The following OTOP3 variants were observed in gnomAD, a reference collection of about 807,000 sequenced individuals.
OTOP3 encodes proton channel OTOP3.
Under a neutral mutation model 50.8 loss-of-function variants are expected in OTOP3, and 41 were observed. That is an observed-to-expected ratio of 0.81 (90% CI 0.63 to 1.05). The LOEUF (loss-of-function observed/expected upper bound fraction) is 1.05, where lower values mean the gene tolerates loss of function less well. Among genes scored for constraint, OTOP3 ranks in the 50% least tolerant of loss-of-function variants. The pLI is 0.00. For synonymous variants in OTOP3, 320 were observed against 324.4 expected (o/e 0.99, Z 0.14); for missense variants, 788 against 760.8 (o/e 1.04, Z -0.42).
Position 74,949,319 on chromosome 17 carries a change from A to T in OTOP3, c.1640A>T (p.Gln547Leu). The change falls in exon 7 of 7, where the codon CAG becomes CTG. Residue 547 changes from glutamine (Q) to leucine (L), a missense_variant. Transcript: ENST00000328801. ...CTAGAAAAGGATTTCTACGGCTACC[A>T]GATATGGTTCGCCATCGTCAACTTC... The part of the protein sequence containing the change: ...NGLEKDFYGY[Q>L]IWFAIVNFGL... The T allele has an allele frequency of 1.2e-6, 2 of 1,614,024 alleles. No individual in the cohort carries two copies. Among genetic ancestry groups the T allele is most frequent in the Non-Finnish European group, 1.7e-6 (2 of 1,179,988 alleles).
At chr17:74,943,247 C>G (rs1378283756) in intron 3 of OTOP3, 39 bp from the exon 4 acceptor site, 2 of 1,598,980 alleles carry the variant, frequency 1.3e-6, no homozygotes, top group African/African-American at 2.7e-5. Context: ...GTCCCACCAC[C>G]TCCACCAGCC....
intron 4 of OTOP3, 73 bp from the exon 5 acceptor site, chr17:74,943,533 A>G: frequency 6.7e-7 from 1 of 1,481,974 alleles, no homozygotes; most frequent in Non-Finnish European, 9.4e-7. Context: ...TGCCCCAACA[A>G]CAGTGGATGG....
At chr17:74,940,609 C>G (rs118053566) in intron 1 of OTOP3, among the ~76,000 whole-genome samples, 1 of 152,176 alleles carries the variant, frequency 6.6e-6, no homozygotes, top group Non-Finnish European at 1.5e-5. Flanking sequence ...CATAGGAGCA[C>G]AAGCCCTATC....
At position 74,946,641 on chromosome 17, in the gene OTOP3, C is replaced by T. The variant is rs542704542; in HGVS notation, c.752-20C>T. ...GAGCCTGCCTGAATGTCTGTCCCTC[C>T]CACCCTGCCTCCCTCCCAGGCAATG... On this transcript the variant is annotated intron_variant, in intron 5 of 6. Coordinates refer to ENST00000328801, the MANE Select transcript of OTOP3 (RefSeq NM_001272005.2). The T allele has an allele frequency of 5.0e-6, 8 of 1,584,868 alleles. No individual in the cohort carries two copies. Among genetic ancestry groups the T allele is most frequent in the Middle Eastern group, 1.7e-4 (1 of 5,984 alleles).
At chr17:74,939,412 G>A (rs2039149203) in intron 1 of OTOP3, among the ~76,000 whole-genome samples, 1 of 152,152 alleles carries the variant, frequency 6.6e-6, no homozygotes. Flanking sequence ...CCAAGGAAGA[G>A]CCTGGGTGGA....
rs563120383 is a variant in OTOP3 at position 74,949,581 on chromosome 17, G to A, written c.*165G>A. On this transcript the variant is annotated 3_prime_UTR_variant, in exon 7 of 7. Transcript: ENST00000328801. ...AAGGGGAGGGCACTGCCTAGAGCCAGAGGCCAACAGCAGGGGCCTGGACAC... is the reference window on the plus strand; with the variant it reads ...AAGGGGAGGGCACTGCCTAGAGCCAAAGGCCAACAGCAGGGGCCTGGACAC... 9.1e-5 allele frequency: 70 copies of A among 769,304 alleles called. No homozygotes were observed. The South Asian group carries it at 1.3e-3, about 14-fold the overall frequency. The allele number at this position is 769,304 out of a possible 1,614,324, so 47.7% of individuals were successfully genotyped here. A position where few individuals can be genotyped will look rare whatever the true frequency, so the allele number is the denominator to read the frequency against.
chr17:74,947,156 T>C lies in OTOP3; in HGVS notation c.1247T>C (p.Ile416Thr), dbSNP rs769281234. The part of the protein sequence containing the change: ...LGQMGIAYFS[I>T]VAIVAKRPHE... Reference sequence around the variant, plus strand: ...CAGATGGGCATCGCCTATTTCTCCATCGTGGCCATTGTGGCCAAGCGCCCG... The same window carrying C: ...CAGATGGGCATCGCCTATTTCTCCACCGTGGCCATTGTGGCCAAGCGCCCG... The change falls in exon 6 of 7, where the codon ATC becomes ACC. Residue 416 changes from isoleucine (I) to threonine (T), a missense_variant. Ile to Thr is a moderately conservative substitution (Grantham distance 89, BLOSUM62 -1). Coordinates refer to ENST00000328801, the MANE Select transcript of OTOP3 (RefSeq NM_001272005.2). The C allele has an allele frequency of 4.5e-5, 72 of 1,613,950 alleles. No homozygotes were observed. Among genetic ancestry groups the C allele is most frequent in the Non-Finnish European group, 2.5e-5 (29 of 1,180,038 alleles).
intron 1 of OTOP3, among the ~76,000 whole-genome samples, chr17:74,939,930 T>A (rs6501743): frequency 5.3e-5 from 8 of 152,026 alleles, no homozygotes; most frequent in South Asian, 2.1e-4. Context: ...ATGTTTAAAC[T>A]CAGGGTCTTG....
chr17:74,948,960 C>T (rs756276082), intron 6 of OTOP3, among the ~76,000 whole-genome samples: 4 of 152,254 alleles, frequency 2.6e-5, no homozygotes, highest in Non-Finnish European at 4.4e-5. Flanking sequence ...TCCTGCTTCT[C>T]CCCACACGTG....
chr17:74,943,425 T>C (rs2039196287), intron 4 of OTOP3, 81 bp downstream of exon 4: 2 of 1,504,748 alleles, frequency 1.3e-6, no homozygotes, highest in African/African-American at 1.4e-5. Flanking sequence ...CGCGGGGCTA[T>C]AGGTTAGTCT....
At chr17:74,939,801 G>C (rs1289076914) in intron 1 of OTOP3, among the ~76,000 whole-genome samples, 1 of 152,150 alleles carries the variant, frequency 6.6e-6, no homozygotes, top group African/African-American at 2.4e-5. Flanking sequence ...CAAAGTCAAG[G>C]GCGTGGCAGC....
At chr17:74,937,467 G>A (rs2039130313) in intron 1 of OTOP3, among the ~76,000 whole-genome samples, 2 of 152,184 alleles carry the variant, frequency 1.3e-5, no homozygotes, top group African/African-American at 4.8e-5. Context: ...GGCTGGAGGA[G>A]AGGGTGCAGG....
At chr17:74,936,960 CCTT>C (rs2039123969) in intron 1 of OTOP3, among the ~76,000 whole-genome samples, 7 of 39,446 alleles carry the variant, frequency 1.8e-4, no homozygotes, top group East Asian at 1.3e-3. Context: ...ACCCCCCCAC[CCTT>C]TTTTTTTTTT....
chr17:74,937,997 C>T (rs570387901), intron 1 of OTOP3, among the ~76,000 whole-genome samples: 8 of 152,080 alleles, frequency 5.3e-5, no homozygotes, highest in South Asian at 4.2e-4. Context: ...ATGGGAGAAA[C>T]GCAGAACTTT....
At position 74,941,379 on chromosome 17, in the gene OTOP3, T is replaced by C. The variant is rs1458530418; in HGVS notation, c.20-14T>C. On this transcript the variant is annotated splice_polypyrimidine_tract_variant and intron_variant, in intron 1 of 6. Transcript: ENST00000328801. ...AGCCTGGCAGTTAACCCAGGACCCT[T>C]TCTCCATCTCCAGCCCCTGCTGAGG... 1 of 1,472,354 alleles carries C rather than the reference T, an allele frequency of 6.8e-7. No individual in the cohort carries two copies. Among genetic ancestry groups the C allele is most frequent in the African/African-American group, 1.4e-5 (1 of 70,838 alleles). The allele number at this position is 1,472,354 out of a possible 1,614,324, so 91.2% of individuals were successfully genotyped here. A position where few individuals can be genotyped will look rare whatever the true frequency, so the allele number is the denominator to read the frequency against.
At chr17:74,945,449 T>G (rs2039216641) in intron 5 of OTOP3, among the ~76,000 whole-genome samples, 1 of 152,232 alleles carries the variant, frequency 6.6e-6, no homozygotes, top group South Asian at 2.1e-4. Context: ...TCTAAATTGG[T>G]GTTTTCCCAC....
intron 1 of OTOP3, among the ~76,000 whole-genome samples, chr17:74,937,045 C>T (rs1275941486): frequency 6.7e-6 from 1 of 148,500 alleles, no homozygotes; most frequent in East Asian, 2.0e-4. Flanking sequence ...TCACTGCAGC[C>T]TCAGCCTCCC....
At position 74,946,645 on chromosome 17, in the gene OTOP3, C is replaced by A. The variant is rs199593024; in HGVS notation, c.752-16C>A. On this transcript the variant is annotated splice_polypyrimidine_tract_variant and intron_variant, in intron 5 of 6. Transcript: ENST00000328801. ...CTGCCTGAATGTCTGTCCCTCCCAC[C>A]CTGCCTCCCTCCCAGGCAATGAGAC... 542 of 1,589,546 alleles carry A rather than the reference C, an allele frequency of 3.4e-4. 2 individuals carry two copies. The African/African-American group carries it at 4.4e-3, about 13-fold the overall frequency.
At chr17:74,937,171 C>T (rs2039127392) in intron 1 of OTOP3, among the ~76,000 whole-genome samples, 1 of 152,038 alleles carries the variant, frequency 6.6e-6, no homozygotes, top group African/African-American at 2.4e-5. Context: ...TGCCATGTTC[C>T]CCAGGCTGGT....
Sources: gnomAD v4.1 joint callset for allele counts (sites outside exome capture counted in the v4.1 genomes callset) on GRCh38, gnomAD v4.1.1 for gene constraint, MANE v1.5 for transcripts, NCBI Gene and HGNC (gene_info 2026-07-23, HGNC 2026-07-21) for gene names.